The following GDAP1L1 variants were observed in gnomAD, a reference collection of about 807,000 sequenced individuals.
GDAP1L1 encodes the protein ganglioside-induced differentiation-associated protein 1-like 1.
In GDAP1L1, 21 loss-of-function variants were observed where a neutral mutation model predicts 37.1. The observed-to-expected ratio is 0.57, with a 90% CI of 0.40 to 0.81. The LOEUF (loss-of-function observed/expected upper bound fraction) is 0.81, where lower values mean the gene tolerates loss of function less well. Among genes scored for constraint, GDAP1L1 ranks in the 40% least tolerant of loss-of-function variants. The pLI is 0.00. For synonymous variants in GDAP1L1, 193 were observed against 209.1 expected, an observed-to-expected ratio of 0.92 and a Z score of 0.67; for missense variants, 362 against 491.6, an observed-to-expected ratio of 0.74 and a Z score of 2.49.
intron 1 of GDAP1L1, among the ~76,000 whole-genome samples, chr20:44,249,669 T>G (rs899079416): frequency 1.3e-5 from 2 of 152,148 alleles, no homozygotes; most frequent in South Asian, 4.1e-4. Context: ...GGCCCCTGAG[T>G]CAGGATGAGA....
chr20:44,274,107 G>A (rs2062548424), intron 5 of GDAP1L1, among the ~76,000 whole-genome samples: 1 of 152,046 alleles, frequency 6.6e-6, no homozygotes, highest in Admixed American at 6.6e-5. Flanking sequence ...TAGTATATAT[G>A]CCCTCTTGTT....
In GDAP1L1 at chr20:44,279,540, A is replaced by T. The variant is rs2062620154; in HGVS notation, c.*240A>T. The T allele has an allele frequency of 4.4e-6, 3 of 674,268 alleles. No homozygotes were observed. The highest frequency in any genetic ancestry group is 8.4e-6 in the Non-Finnish European group (3 of 358,242). The allele number at this position is 674,268 out of a possible 1,614,324, so 41.8% of individuals were successfully genotyped here. ...GAGGAAGCGAGAGAGAGAGAGAAAA[A>T]ACAAAAAACAGAAAACACGAATGCC... On this transcript the variant is annotated 3_prime_UTR_variant, in exon 6 of 6. Coordinates refer to ENST00000342560, the MANE Select transcript of GDAP1L1 (RefSeq NM_024034.6).
intron 5 of GDAP1L1, among the ~76,000 whole-genome samples, chr20:44,267,003 T>C (rs1249580395): frequency 6.6e-6 from 1 of 152,154 alleles, no homozygotes; most frequent in Non-Finnish European, 1.5e-5. Flanking sequence ...AGTTTATGAA[T>C]TAGTTTTGGG....
At chr20:44,266,298 A>C (rs2073760568) in intron 5 of GDAP1L1, among the ~76,000 whole-genome samples, 2 of 149,158 alleles carry the variant, frequency 1.3e-5, no homozygotes, top group Admixed American at 6.7e-5. Context: ...ACAGAGAGAG[A>C]CTCCATCCCC....
intron 1 of GDAP1L1, 52 bp downstream of exon 1, chr20:44,247,566 G>A: frequency 1.4e-6 from 2 of 1,429,968 alleles, no homozygotes; most frequent in Non-Finnish European, 1.9e-6. Flanking sequence ...GCTTGGGGAG[G>A]GGAGCCCCAG....
At chr20:44,260,436 C>A (rs1444017507) in intron 3 of GDAP1L1, among the ~76,000 whole-genome samples, 1 of 152,110 alleles carries the variant, frequency 6.6e-6, no homozygotes, top group Admixed American at 6.6e-5. Context: ...AACTAAGAGA[C>A]TGCAGCTGCA....
chr20:44,277,635 C>T (rs2062597301), intron 5 of GDAP1L1, among the ~76,000 whole-genome samples: 1 of 152,164 alleles, frequency 6.6e-6, no homozygotes. Flanking sequence ...GACATTTAAA[C>T]TTTAACATGA....
At chr20:44,267,694 GC>G (rs1275784192) in intron 5 of GDAP1L1, among the ~76,000 whole-genome samples, 2 of 152,018 alleles carry the variant, frequency 1.3e-5, no homozygotes, top group African/African-American at 4.8e-5. Context: ...ATGAGCAAAT[GC>G]ATGTAAGGGG....
At chr20:44,266,265 G>T (rs747521142) in intron 5 of GDAP1L1, among the ~76,000 whole-genome samples, 2 of 151,626 alleles carry the variant, frequency 1.3e-5, no homozygotes, top group Non-Finnish European at 2.9e-5. Context: ...CTCAGATTGC[G>T]CCACTGCACT....
At position 44,268,181 on chromosome 20, in the gene GDAP1L1, C is replaced by T. The variant is rs2062475752; in HGVS notation, c.760+3622C>T. 2.6e-5 allele frequency among the ~76,000 whole-genome samples: 4 copies of T among 152,354 alleles called. No homozygotes were observed. In the South Asian group the frequency reaches 8.3e-4, roughly 32 times the overall value. On this transcript the variant is annotated intron_variant, in intron 5 of 5. Transcript: ENST00000342560. ...CACAGTTGAGACCCCTTGCATAGAG[C>T]CAGATGGCTTTGATGCAGATTCCTG...
chr20:44,266,773 C>T (rs1166964339), intron 5 of GDAP1L1, among the ~76,000 whole-genome samples: 2 of 152,114 alleles, frequency 1.3e-5, no homozygotes, highest in Non-Finnish European at 1.5e-5. Flanking sequence ...TGAATGAGGA[C>T]CCACCTTAAG....
intron 5 of GDAP1L1, among the ~76,000 whole-genome samples, chr20:44,271,326 T>C (rs1336118622): frequency 1.3e-5 from 2 of 151,594 alleles, no homozygotes; most frequent in African/African-American, 4.9e-5. Context: ...CGCAGAGGAG[T>C]CAGCAAAGCC....
chr20:44,251,645 C>G (rs927479747), intron 1 of GDAP1L1, among the ~76,000 whole-genome samples: 1 of 152,188 alleles, frequency 6.6e-6, no homozygotes, highest in South Asian at 2.1e-4. Context: ...AGATGCATCT[C>G]CCTGCTTCTC....
chr20:44,256,255 C>T (rs768704201), intron 1 of GDAP1L1, among the ~76,000 whole-genome samples: 3 of 152,140 alleles, frequency 2.0e-5, no homozygotes, highest in Admixed American at 1.3e-4. Context: ...GAGTTTCCAA[C>T]CAGGCAACCA....
At chr20:44,271,212 C>T (rs2062512271) in intron 5 of GDAP1L1, among the ~76,000 whole-genome samples, 2 of 152,070 alleles carry the variant, frequency 1.3e-5, no homozygotes, top group Admixed American at 1.3e-4. Flanking sequence ...TGCAGTGAGT[C>T]GTCTTCTGGG....
chr20:44,247,117 AG>A, upstream of GDAP1L1: 1 of 589,676 alleles, frequency 1.7e-6, no homozygotes, highest in Non-Finnish European at 3.0e-6. Context: ...CCTGACACTG[AG>A]GGCTGGCGGC....
At position 44,279,385 on chromosome 20, in the gene GDAP1L1, T is replaced by G. The variant is rs529957739; in HGVS notation, c.*85T>G. 2.3e-6 allele frequency: 2 copies of G among 879,230 alleles called. No homozygotes were observed. Among genetic ancestry groups the G allele is most frequent in the East Asian group, 2.4e-5 (1 of 41,548 alleles). 54.5% of individuals were successfully genotyped at this position (879,230 alleles called of 1,614,324 possible). ...GAGCTCTCAGTAACTCACTGTCTCATGAACACTTGGACAGCCCTCCCCGCC... is the reference window on the plus strand; with the variant it reads ...GAGCTCTCAGTAACTCACTGTCTCAGGAACACTTGGACAGCCCTCCCCGCC... On this transcript the variant is annotated 3_prime_UTR_variant, in exon 6 of 6. Transcript: ENST00000342560.
intron 5 of GDAP1L1, 198 bp downstream of exon 5, chr20:44,264,757 CT>C: frequency 8.0e-7 from 1 of 1,256,750 alleles, no homozygotes; most frequent in Non-Finnish European, 1.1e-6. Context: ...AGGTTCTCCC[CT>C]CTCTGAAATT....
At chr20:44,248,848 C>T (rs1207311580) in intron 1 of GDAP1L1, among the ~76,000 whole-genome samples, 1 of 152,202 alleles carries the variant, frequency 6.6e-6, no homozygotes, top group Non-Finnish European at 1.5e-5. Context: ...TGCCCACTGA[C>T]TCACTGTGGA....
Sources: gnomAD v4.1 joint callset for allele counts (sites outside exome capture counted in the v4.1 genomes callset) on GRCh38, gnomAD v4.1.1 for gene constraint, MANE v1.5 for transcripts, NCBI Gene and HGNC (gene_info 2026-07-23, HGNC 2026-07-21) for gene names.